The following USP2 variants were observed in gnomAD, a reference collection of about 807,000 sequenced individuals.
USP2 encodes the protein ubiquitin carboxyl-terminal hydrolase 2.
A neutral mutation model predicts 72.0 loss-of-function variants in USP2; 33 were observed. The observed-to-expected ratio is 0.46, with a 90% CI of 0.35 to 0.61. USP2 has a LOEUF of 0.61. USP2 is among the 20% of genes least tolerant of loss of function. USP2 has a pLI of 0.01. For missense variants in USP2, 691 were observed against 797.8 expected (o/e 0.87, Z 1.61); for synonymous variants, 296 against 312.5 (o/e 0.95, Z 0.56).
chr11:119,376,528 C>A (rs1266091577), intron 1 of USP2, among the ~76,000 whole-genome samples: 1 of 152,278 alleles, frequency 6.6e-6, no homozygotes, highest in Non-Finnish European at 1.5e-5. Context: ...CAGCGCCTCT[C>A]CAGGTGTCCG....
chr11:119,359,490 A>T, intron 4 of USP2, 47 bp downstream of exon 4: 1 of 1,611,068 alleles, frequency 6.2e-7, no homozygotes, highest in African/African-American at 1.3e-5. Context: ...AGTGGAGTGG[A>T]GGAGCATCCG....
At chr11:119,364,179 C>T (rs994769395) in intron 2 of USP2, 200 of 1,186,708 alleles carry the variant, frequency 1.7e-4, no homozygotes, top group African/African-American at 9.7e-4. Context: ...GCCAACAGCC[C>T]GGGTCCCGGC....
intron 2 of USP2, among the ~76,000 whole-genome samples, chr11:119,370,557 CA>C (rs1950912749): frequency 6.6e-6 from 1 of 152,046 alleles, no homozygotes; most frequent in Admixed American, 6.6e-5. Flanking sequence ...GCCGCACGAG[CA>C]GGGTTGTTCT....
chr11:119,363,944 A>AG, intron 2 of USP2: 1 of 149,962 alleles, frequency 6.7e-6, no homozygotes, highest in Non-Finnish European at 8.9e-6. Context: ...AGGGCGGGAA[A>AG]GGGGGCGGCG....
At position 119,356,704 on chromosome 11, in the gene USP2, C is replaced by T. The variant is rs1418339694; in HGVS notation, c.*131G>A. The T allele has an allele frequency of 2.1e-6, 2 of 967,270 alleles. No homozygotes were observed. Among genetic ancestry groups the T allele is most frequent in the Non-Finnish European group, 3.0e-6 (2 of 660,072 alleles). 59.9% of individuals were successfully genotyped at this position (967,270 alleles called of 1,614,324 possible). On this transcript the variant is annotated 3_prime_UTR_variant, in exon 13 of 13. Transcript: ENST00000260187. ...CCTGATCAGGCTGCATCCACTCCTGCTCGGCAGCTTCAGGTTTGTTTTTCT... is the reference window on the plus strand; with the variant it reads ...CCTGATCAGGCTGCATCCACTCCTGTTCGGCAGCTTCAGGTTTGTTTTTCT...
Position 119,358,057 on chromosome 11 carries a change from C to T in USP2, c.1346G>A (p.Gly449Asp). 1 of 1,614,146 alleles carries T rather than the reference C, an allele frequency of 6.2e-7. No individual in the cohort carries two copies. The highest frequency in any genetic ancestry group is 8.5e-7 in the Non-Finnish European group (1 of 1,180,038). ...GTCCATTAATGTCACCTCAGGATAA[C>T]CTCGCTGGGAAGGGGAAAAAAGCAA... is the stretch of plus-strand genomic sequence containing the variant. ...WDLSLPIAKR[G>D]YPEVTLMDCM... Residue 449 changes from glycine (G) to aspartate (D), a missense_variant, in exon 9 of 13, where the codon GGT becomes GAT. Gly to Asp is a moderately conservative substitution (Grantham distance 94). Transcript: ENST00000260187.
At chr11:119,378,795 C>A (rs950634027) in intron 1 of USP2, among the ~76,000 whole-genome samples, 1 of 152,182 alleles carries the variant, frequency 6.6e-6, no homozygotes, top group Non-Finnish European at 1.5e-5. Context: ...CTCCTGGTGC[C>A]CCCTCCCAAG....
intron 2 of USP2, among the ~76,000 whole-genome samples, chr11:119,361,180 G>A (rs1025451649): frequency 1.3e-5 from 2 of 152,224 alleles, no homozygotes; most frequent in African/African-American, 4.8e-5. Flanking sequence ...CATCCTGACT[G>A]GCCACTGTCT....
In USP2 at chr11:119,373,399, C is replaced by G; in HGVS notation, c.82G>C (p.Gly28Arg). 1 of 1,607,966 alleles carries G rather than the reference C, an allele frequency of 6.2e-7. No homozygotes were observed. Among genetic ancestry groups the G allele is most frequent in the Non-Finnish European group, 8.5e-7 (1 of 1,179,932 alleles). The change falls in exon 2 of 13, where the codon GGT (glycine) becomes CGT (arginine). Residue 28 changes from glycine (G) to arginine (R), a missense_variant. Physicochemically the swap from Gly to Arg is moderately radical, Grantham distance 125. Transcript: ENST00000260187. ...CCATAGGAGGACGGGGTGTAGGCACCATAGCCCGACTTGGCATAGTGGGCA... is the reference window on the plus strand; with the variant it reads ...CCATAGGAGGACGGGGTGTAGGCACGATAGCCCGACTTGGCATAGTGGGCA... ...TDAHYAKSGY[G>R]AYTPSSYGAN...
At chr11:119,364,212 G>C (rs1424882804) in intron 2 of USP2, 6 of 1,128,020 alleles carry the variant, frequency 5.3e-6, no homozygotes, top group Non-Finnish European at 6.5e-6. Flanking sequence ...GCCGACTGGC[G>C]GCCCCGCCGG....
At chr11:119,363,826 G>T in intron 2 of USP2, 1 of 1,388,702 alleles carries the variant, frequency 7.2e-7, no homozygotes, top group Admixed American at 3.5e-5. Flanking sequence ...CGGCGCGGGG[G>T]TCCCGGAAAA....
At position 119,356,906 on chromosome 11, in the gene USP2, A is replaced by C; in HGVS notation, c.1747T>G (p.Ser583Ala). 6.4e-7 allele frequency: 1 copy of C among 1,561,390 alleles called. No individual in the cohort carries two copies. The highest frequency in any genetic ancestry group is 2.2e-4 in the Middle Eastern group (1 of 4,550). The change falls in exon 13 of 13, where the codon TCC (serine) becomes GCC (alanine). Residue 583 changes from serine to alanine, a missense_variant. Coordinates refer to ENST00000260187, the MANE Select transcript of USP2 (RefSeq NM_004205.5). ...FNDSSVTPMS[S>A]SQVRTSDAYL... The stretch of plus-strand genomic sequence containing the variant: ...GCGTCGCTGGTGCGCACTTGGCTGG[A>C]GGACATGGGAGTGACGCTGCGGAGA...
intron 2 of USP2, among the ~76,000 whole-genome samples, chr11:119,361,345 T>C (rs1950762186): frequency 6.6e-6 from 1 of 152,182 alleles, no homozygotes; most frequent in Non-Finnish European, 1.5e-5. Context: ...CAAGGTCTCT[T>C]GGCTAATCCT....
At chr11:119,368,470 G>A (rs1007844580) in intron 2 of USP2, among the ~76,000 whole-genome samples, 3 of 152,340 alleles carry the variant, frequency 2.0e-5, no homozygotes, top group South Asian at 2.1e-4. Context: ...AGTAACCTCC[G>A]CTCACTGCAG....
intron 2 of USP2, among the ~76,000 whole-genome samples, chr11:119,371,600 C>G (rs975503439): frequency 3.9e-5 from 6 of 152,210 alleles, no homozygotes; most frequent in Non-Finnish European, 8.8e-5. Context: ...GCTTCAAGGT[C>G]CTGCCCCTAT....
chr11:119,372,264 G>T (rs1465842877), intron 2 of USP2, among the ~76,000 whole-genome samples: 1 of 152,202 alleles, frequency 6.6e-6, no homozygotes, highest in Non-Finnish European at 1.5e-5. Flanking sequence ...AGGCCTTGGG[G>T]CTAGGGAATA....
At chr11:119,376,861 G>T (rs147956525) in intron 1 of USP2, among the ~76,000 whole-genome samples, 2 of 152,238 alleles carry the variant, frequency 1.3e-5, no homozygotes, top group East Asian at 3.8e-4. Flanking sequence ...GCCATGTGAC[G>T]CATTCTTCTA....
chr11:119,359,345 A>T lies in USP2; in HGVS notation c.950-3T>A. On this transcript the variant is annotated splice_polypyrimidine_tract_variant and splice_region_variant and intron_variant, in intron 4 of 12. Transcript: ENST00000260187. ...GGTCTGAATTAGTTTTGCAAACTCT[A>T]TTGGAAGGAGAGAGTGTACAGGACA... 6.2e-7 allele frequency: 1 copy of T among 1,612,042 alleles called. No homozygotes were observed. Among genetic ancestry groups the T allele is most frequent in the Non-Finnish European group, 8.5e-7 (1 of 1,178,606 alleles).
In USP2 at chr11:119,356,766, T is replaced by C; in HGVS notation, c.*69A>G. The C allele has an allele frequency of 7.1e-7, 1 of 1,408,532 alleles. No individual in the cohort carries two copies. Among genetic ancestry groups the C allele is most frequent in the South Asian group, 1.4e-5 (1 of 72,558 alleles). The allele number at this position is 1,408,532 out of a possible 1,614,324, so 87.3% of individuals were successfully genotyped here. A position where few individuals can be genotyped will look rare whatever the true frequency, so the allele number is the denominator to read the frequency against. On this transcript the variant is annotated 3_prime_UTR_variant, in exon 13 of 13. Transcript: ENST00000260187. ...TGTGTGTTGTTGTTGTTGTTTTGTT[T>C]TTGTCTTTTTAAAAAATTTAGGGAG... is the stretch of plus-strand genomic sequence containing the variant.
Sources: gnomAD v4.1 joint callset for allele counts (sites outside exome capture counted in the v4.1 genomes callset) on GRCh38, gnomAD v4.1.1 for gene constraint, MANE v1.5 for transcripts, NCBI Gene and HGNC (gene_info 2026-07-23, HGNC 2026-07-21) for gene names.